The following WSCD2 variants were observed in gnomAD, a reference collection of about 807,000 sequenced individuals.
WSCD2 encodes WSC domain sialate O sulfotransferase 2.
Under a neutral mutation model 55.7 loss-of-function variants are expected in WSCD2, and 28 were observed. That is an observed-to-expected ratio of 0.50 (90% CI 0.37 to 0.69). The LOEUF (loss-of-function observed/expected upper bound fraction) is 0.69. Among genes scored for constraint, WSCD2 ranks in the 30% least tolerant of loss-of-function variants. WSCD2 has a pLI of 0.00. For synonymous variants in WSCD2, 301 were observed against 301.9 expected, an observed-to-expected ratio of 1.00 and a Z score of 0.03; for missense variants, 616 against 762.1, an observed-to-expected ratio of 0.81 and a Z score of 2.26.
intron 1 of WSCD2, among the ~76,000 whole-genome samples, chr12:108,144,652 C>A (rs1877203765): frequency 6.6e-6 from 1 of 152,140 alleles, no homozygotes; most frequent in Non-Finnish European, 1.5e-5. Flanking sequence ...TTCTAGGTGT[C>A]AGGAGCATGA....
chr12:108,150,631 G>A (rs1877883243), intron 1 of WSCD2, among the ~76,000 whole-genome samples: 1 of 152,154 alleles, frequency 6.6e-6, no homozygotes, highest in African/African-American at 2.4e-5. Context: ...AGGATGCAGT[G>A]ACACAGGAGA....
chr12:108,171,005 A>T (rs1467448918), intron 1 of WSCD2, among the ~76,000 whole-genome samples: 1 of 152,166 alleles, frequency 6.6e-6, no homozygotes, highest in Non-Finnish European at 1.5e-5. Flanking sequence ...CAGCCAGGGT[A>T]AGGTATTGCT....
At chr12:108,154,242 G>T (rs7312693) in intron 1 of WSCD2, among the ~76,000 whole-genome samples, 114,427 of 152,010 alleles carry the variant, frequency 0.75, 44,290 homozygotes, top group East Asian at 0.91. Context: ...AAGGTCAGAA[G>T]TACAACATGG....
At chr12:108,203,980 G>A (rs1885019789) in intron 2 of WSCD2, among the ~76,000 whole-genome samples, 1 of 152,188 alleles carries the variant, frequency 6.6e-6, no homozygotes, top group African/African-American at 2.4e-5. Context: ...TTGAAAAGAG[G>A]AAAAGCGGAA....
At chr12:108,137,073 ACCCACATTTCTT>A (rs1876304215) in intron 1 of WSCD2, among the ~76,000 whole-genome samples, 1 of 152,168 alleles carries the variant, frequency 6.6e-6, no homozygotes. Flanking sequence ...ACAGTGGATC[ACCCACATTTCTT>A]CCCCACTTGG....
chr12:108,188,011 A>G (rs1882724896), intron 1 of WSCD2, among the ~76,000 whole-genome samples: 1 of 152,184 alleles, frequency 6.6e-6, no homozygotes. Context: ...CAAAATTTTA[A>G]TATTTATTTA....
chr12:108,215,035 T>C (rs908904392), intron 4 of WSCD2, among the ~76,000 whole-genome samples: 2 of 152,226 alleles, frequency 1.3e-5, no homozygotes, highest in Non-Finnish European at 2.9e-5. Flanking sequence ...CCATGTCTAG[T>C]TCCTTCTTTG....
In WSCD2 at chr12:108,210,220, C is replaced by G. The variant is rs938455178; in HGVS notation, c.597C>G (p.Cys199Trp). 6.2e-7 allele frequency: 1 copy of G among 1,613,832 alleles called. No individual in the cohort carries two copies. The highest frequency in any genetic ancestry group is 8.5e-7 in the Non-Finnish European group (1 of 1,179,904). The change falls in exon 4 of 9, where the codon TGC becomes TGG. Residue 199 changes from cysteine to tryptophan, a missense_variant. Around this residue, in one of 3 missense-constraint regions of WSCD2, gnomAD observed 374 missense variants for 467.4 expected, o/e 0.80. Transcript: ENST00000547525. This position sits in a 1 kb window ranked among gnomAD's most constrained non-coding sequence, Gnocchi z 4.3. ...GCGAGGCAGAGTGCGACATGGAGTG[C>G]AAGGGCGAGCGAGGCAGCGTGTGCG... Reference protein sequence around the residue: ...NVSEAECDMECKGERGSVCGG... With the variant: ...NVSEAECDMEWKGERGSVCGG...
intron 1 of WSCD2, among the ~76,000 whole-genome samples, chr12:108,171,321 A>C (rs1880217759): frequency 2.9e-5 from 2 of 69,016 alleles, no homozygotes; most frequent in Non-Finnish European, 6.3e-5. Flanking sequence ...TCATGGATGG[A>C]GGAACGAAGA....
chr12:108,152,741 T>C (rs140617778), intron 1 of WSCD2, among the ~76,000 whole-genome samples: 1,570 of 152,328 alleles, frequency 0.01, 13 homozygotes, highest in Admixed American at 0.015. Context: ...CCAATCTATA[T>C]GCTAGGTTCA....
At chr12:108,241,796 G>A (rs1295881979) in intron 8 of WSCD2, among the ~76,000 whole-genome samples, 1 of 152,210 alleles carries the variant, frequency 6.6e-6, no homozygotes, top group Admixed American at 6.5e-5. Context: ...GGATTATGGT[G>A]ATGGTAACAT....
In WSCD2 at chr12:108,249,990, C is replaced by G. The variant is rs982915833; in HGVS notation, c.*1647C>G. The G allele has an allele frequency of 6.6e-6, 1 of 152,626 alleles. No homozygotes were observed. The highest frequency in any genetic ancestry group is 2.4e-5 in the African/African-American group (1 of 41,450). 9.5% of individuals were successfully genotyped at this position (152,626 alleles called of 1,614,324 possible). A position where few individuals can be genotyped will look rare whatever the true frequency, so the allele number is the denominator to read the frequency against. On this transcript the variant is annotated 3_prime_UTR_variant, in exon 9 of 9. Transcript: ENST00000547525. ...CCTCCCTTCTACTGGGAGGTTGACT[C>G]TCTCTGGGAGACTCTTGGTCCAAGA...
chr12:108,206,548 C>T, intron 3 of WSCD2, 145 bp downstream of exon 3: 1 of 753,902 alleles, frequency 1.3e-6, no homozygotes, highest in Admixed American at 2.3e-5. Context: ...GGTGTGTGTG[C>T]ATTGTGTGTA....
Position 108,226,981 on chromosome 12 carries a change from C to CTGGGG in WSCD2, c.805-9_805-8insTGGGG, listed in dbSNP as rs769220380. 135 of 1,610,192 alleles carry CTGGGG rather than the reference C, an allele frequency of 8.4e-5. No homozygotes were observed. Among genetic ancestry groups the CTGGGG allele is most frequent in the Non-Finnish European group, 1.1e-4 (126 of 1,178,490 alleles). On this transcript the variant is annotated splice_polypyrimidine_tract_variant and intron_variant, in intron 5 of 8. Transcript: ENST00000547525. ...CTCTCTTCCTCTTCTTCTCCCACTC[C>CTGGGG]ATCCCCAGGAGTACCCGCTGGCAGC...
intron 4 of WSCD2, among the ~76,000 whole-genome samples, chr12:108,212,599 T>A (rs1303030350): frequency 4.1e-5 from 4 of 96,758 alleles, no homozygotes; most frequent in Non-Finnish European, 8.5e-5. Context: ...TTTCTCTCTC[T>A]CTCTCTCTCT....
intron 1 of WSCD2, among the ~76,000 whole-genome samples, chr12:108,185,388 G>A (rs1032742150): frequency 2.6e-5 from 4 of 152,094 alleles, no homozygotes; most frequent in African/African-American, 7.2e-5. Context: ...TCTCTGCATG[G>A]TGTCTCCTGC....
intron 1 of WSCD2, among the ~76,000 whole-genome samples, chr12:108,179,266 G>A (rs12308029): frequency 1.3e-5 from 2 of 151,548 alleles, no homozygotes; most frequent in East Asian, 1.9e-4. Flanking sequence ...GCGGGGGAGG[G>A]GGGGCAGAGG....
intron 1 of WSCD2, among the ~76,000 whole-genome samples, chr12:108,158,181 A>G (rs1196153576): frequency 3.9e-5 from 6 of 152,274 alleles, no homozygotes; most frequent in Middle Eastern, 3.4e-3. Context: ...TAATGCTGCA[A>G]TTCACCCTAC....
chr12:108,134,187 C>T (rs1304987630), intron 1 of WSCD2, among the ~76,000 whole-genome samples: 2 of 152,116 alleles, frequency 1.3e-5, no homozygotes, highest in African/African-American at 2.4e-5. Flanking sequence ...TTTCAAGGTC[C>T]GCCAGTGCCT....
Sources: allele counts gnomAD v4.1 joint callset (sites outside exome capture counted in the v4.1 genomes callset), GRCh38; gene constraint gnomAD v4.1.1; regional missense constraint gnomAD v4.1.1; non-coding constraint Gnocchi (gnomAD v3.1); transcripts MANE v1.5; gene names NCBI Gene and HGNC (gene_info 2026-07-23, HGNC 2026-07-21).